Variants in EPHA3 observed in about 807,000 individuals in gnomAD.
EPHA3 encodes EPH receptor A3.
In EPHA3, 42 loss-of-function variants were observed where a neutral mutation model predicts 107.1. That is an observed-to-expected ratio of 0.39 (90% CI 0.31 to 0.51). The LOEUF (loss-of-function observed/expected upper bound fraction) is 0.51, where lower values mean the gene tolerates loss of function less well. Among genes scored for constraint, EPHA3 ranks in the 20% least tolerant of loss-of-function variants. The probability of loss-of-function intolerance (pLI) is 0.78; values close to 1 mark genes in which losing one functional copy is unlikely to be tolerated. For synonymous variants in EPHA3, 461 were observed against 424.8 expected (o/e 1.09, Z -1.05); for missense variants, 1,183 against 1,211.2 (o/e 0.98, Z 0.35).
intron 2 of EPHA3, among the ~76,000 whole-genome samples, chr3:89,195,108 T>C (rs1705807448): frequency 1.3e-5 from 2 of 152,076 alleles, no homozygotes; most frequent in Non-Finnish European, 2.9e-5. Flanking sequence ...TATATGCATG[T>C]AATTTTTTTT....
chr3:89,390,979 G>A (rs952501820), intron 5 of EPHA3, among the ~76,000 whole-genome samples: 12 of 151,636 alleles, frequency 7.9e-5, no homozygotes, highest in South Asian at 2.1e-4. Flanking sequence ...TAGTAGAGCC[G>A]GGTTTCATGT....
chr3:89,259,385 A>G (rs1362834620), intron 3 of EPHA3, among the ~76,000 whole-genome samples: 1 of 152,120 alleles, frequency 6.6e-6, no homozygotes, highest in Non-Finnish European at 1.5e-5. Context: ...ATAAAACAAG[A>G]ATCTTTATTT....
chr3:89,309,180 C>T (rs1034865569), intron 3 of EPHA3, among the ~76,000 whole-genome samples: 4 of 152,010 alleles, frequency 2.6e-5, no homozygotes, highest in Non-Finnish European at 4.4e-5. Flanking sequence ...CAAATGGTTT[C>T]ATTGAATTGG....
At chr3:89,169,892 A>G (rs1169475936) in intron 2 of EPHA3, among the ~76,000 whole-genome samples, 8 of 152,164 alleles carry the variant, frequency 5.3e-5, no homozygotes, top group Admixed American at 1.3e-4. Flanking sequence ...TTAATTAGAT[A>G]CAGTTACTGG....
chr3:89,114,117 A>G (rs1178695821), intron 1 of EPHA3, among the ~76,000 whole-genome samples: 1 of 152,250 alleles, frequency 6.6e-6, no homozygotes, highest in Non-Finnish European at 1.5e-5. Flanking sequence ...GCAGCACTGT[A>G]CAAACAAACT....
intron 11 of EPHA3, 123 bp downstream of exon 11, chr3:89,419,513 A>G: frequency 2.7e-6 from 2 of 747,648 alleles, no homozygotes; most frequent in Non-Finnish European, 4.1e-6. Context: ...CCAAAAAGAA[A>G]AGTTTAGGAA....
chr3:89,184,445 C>A (rs1705515602), intron 2 of EPHA3, among the ~76,000 whole-genome samples: 1 of 152,008 alleles, frequency 6.6e-6, no homozygotes. Context: ...TAATTACATT[C>A]CGGTTGTTTT....
intron 10 of EPHA3, among the ~76,000 whole-genome samples, chr3:89,417,685 T>C (rs1709274919): frequency 6.6e-6 from 1 of 151,440 alleles, no homozygotes; most frequent in Non-Finnish European, 1.5e-5. Flanking sequence ...ATTCTTTCTG[T>C]ATCCTAAGGA....
intron 3 of EPHA3, among the ~76,000 whole-genome samples, chr3:89,299,683 A>G (rs1706438725): frequency 6.6e-6 from 1 of 152,028 alleles, no homozygotes; most frequent in African/African-American, 2.4e-5. Flanking sequence ...TGATGGGGGC[A>G]GGATTTGAAT....
At chr3:89,387,100 G>A (rs1434808264) in intron 5 of EPHA3, among the ~76,000 whole-genome samples, 1 of 152,156 alleles carries the variant, frequency 6.6e-6, no homozygotes, top group Admixed American at 6.5e-5. Context: ...AATGAGTTAA[G>A]ACTTTGGGGA....
chr3:89,398,610 C>CG (rs776015854), intron 6 of EPHA3, among the ~76,000 whole-genome samples: 248 of 148,840 alleles, frequency 1.7e-3, no homozygotes, highest in Non-Finnish European at 1.7e-3. Context: ...ACTCCAGAAT[C>CG]AATAGAGCAT....
At chr3:89,385,694 A>T (rs1387364863) in intron 5 of EPHA3, among the ~76,000 whole-genome samples, 1 of 152,192 alleles carries the variant, frequency 6.6e-6, no homozygotes, top group Non-Finnish European at 1.5e-5. Flanking sequence ...ATACCCAAAA[A>T]TGTGGAAGCA....
rs961911500 is a variant in EPHA3 at position 89,472,398 on chromosome 3, A to C, written c.2691-66A>C. The C allele has an allele frequency of 1.1e-5, 17 of 1,533,234 alleles. 1 individual carries two copies. In the African/African-American group the frequency reaches 1.2e-4, roughly 11 times the overall value. 95.0% of individuals were successfully genotyped at this position (1,533,234 alleles called of 1,614,324 possible). A position where few individuals can be genotyped will look rare whatever the true frequency, so the allele number is the denominator to read the frequency against. On this transcript the variant is annotated intron_variant, in intron 15 of 16. Coordinates refer to ENST00000336596, the MANE Select transcript of EPHA3 (RefSeq NM_005233.6). Reference sequence around the variant, plus strand: ...GAAGTTCCTGCCGATGTTAGTGTCAAATTTTGACACACAGCAACTCTGCTG... The same window carrying C: ...GAAGTTCCTGCCGATGTTAGTGTCACATTTTGACACACAGCAACTCTGCTG...
At chr3:89,274,915 T>C (rs1576282427) in intron 3 of EPHA3, among the ~76,000 whole-genome samples, 2 of 152,130 alleles carry the variant, frequency 1.3e-5, no homozygotes, top group East Asian at 3.9e-4. Context: ...TCAACAAATT[T>C]CATATTGTCA....
intron 13 of EPHA3, among the ~76,000 whole-genome samples, chr3:89,445,329 GC>G (rs1709859249): frequency 6.6e-6 from 1 of 151,984 alleles, no homozygotes; most frequent in South Asian, 2.1e-4. Flanking sequence ...GTTTAAATTA[GC>G]CCCAGCTCTT....
intron 3 of EPHA3, among the ~76,000 whole-genome samples, chr3:89,283,782 G>A (rs1392890624): frequency 1.3e-5 from 2 of 152,088 alleles, no homozygotes; most frequent in Non-Finnish European, 2.9e-5. Flanking sequence ...TGCTGTTTGT[G>A]TAAACTTGAA....
chr3:89,339,132 G>C (rs1707458399), intron 3 of EPHA3, among the ~76,000 whole-genome samples: 1 of 152,108 alleles, frequency 6.6e-6, no homozygotes, highest in Non-Finnish European at 1.5e-5. Context: ...CAGGACTTTG[G>C]GAGGCCGAGG....
At chr3:89,345,885 C>A (rs570694966) in intron 5 of EPHA3, among the ~76,000 whole-genome samples, 7 of 141,394 alleles carry the variant, frequency 5.0e-5, no homozygotes, top group South Asian at 2.2e-4. Flanking sequence ...TTTGTTCTTG[C>A]GATAGTTTAC....
At chr3:89,402,730 C>G (rs746871270) in intron 7 of EPHA3, among the ~76,000 whole-genome samples, 3 of 152,066 alleles carry the variant, frequency 2.0e-5, no homozygotes, top group Non-Finnish European at 4.4e-5. Context: ...AAGTCTTGCT[C>G]TGTCGCCCAG....
Sources: allele counts gnomAD v4.1 joint callset (sites outside exome capture counted in the v4.1 genomes callset), GRCh38; gene constraint gnomAD v4.1.1; transcripts MANE v1.5; gene names NCBI Gene and HGNC (gene_info 2026-07-23, HGNC 2026-07-21).